PIWIL4: variants seen among roughly 807,000 people sequenced by gnomAD.
PIWIL4 encodes the protein piwi-like protein 4.
A neutral mutation model predicts 100.9 loss-of-function variants in PIWIL4; 50 were observed. The observed-to-expected ratio is 0.50, with a 90% CI of 0.39 to 0.63. The LOEUF (loss-of-function observed/expected upper bound fraction) is 0.63, where lower values mean the gene tolerates loss of function less well. Ranked by LOEUF, PIWIL4 falls within the 20% of genes least tolerant of loss-of-function variation. PIWIL4 has a pLI of 0.00. For missense variants in PIWIL4, 887 were observed against 1,043.3 expected (o/e 0.85, Z 2.06); for synonymous variants, 342 against 367.5 (o/e 0.93, Z 0.79).
intron 15 of PIWIL4, among the ~76,000 whole-genome samples, chr11:94,614,486 T>G (rs1420985304): frequency 6.6e-6 from 1 of 151,926 alleles, no homozygotes; most frequent in Non-Finnish European, 1.5e-5. Flanking sequence ...TTTGTGTATT[T>G]TTAGTAGAGT....
intron 14 of PIWIL4, chr11:94,608,230 A>G (rs1948746244): frequency 5.1e-6 from 1 of 196,426 alleles, no homozygotes; most frequent in Admixed American, 5.4e-5. Context: ...AGAATGAAGA[A>G]TGGAATTCCT....
At chr11:94,615,999 A>C (rs1389016783) in intron 15 of PIWIL4, among the ~76,000 whole-genome samples, 4 of 152,254 alleles carry the variant, frequency 2.6e-5, no homozygotes, top group Admixed American at 2.0e-4. Context: ...TTTATGCTTC[A>C]GAAATCTTTG....
At chr11:94,594,289 A>G (rs7932260) in intron 9 of PIWIL4, among the ~76,000 whole-genome samples, 8,055 of 151,974 alleles carry the variant, frequency 0.053, 259 homozygotes, top group Middle Eastern at 0.099. Context: ...CAACATGGTG[A>G]AACCCCATCT....
rs140160506 is a variant in PIWIL4, at chr11:94,605,784, A to G, written c.1639-1655A>G. ...TATCTGCATAGACTCATAGATTCCT[A>G]TTTTGTTATAGTCCATTACTCTTAT... On this transcript the variant is annotated intron_variant, in intron 13 of 19. Coordinates refer to ENST00000299001, the MANE Select transcript of PIWIL4 (RefSeq NM_152431.3). 2.3e-3 allele frequency among the ~76,000 whole-genome samples: 348 copies of G among 152,114 alleles called. 3 individuals carry two copies. Among genetic ancestry groups the G allele is most frequent in the African/African-American group, 8.0e-3 (330 of 41,500 alleles).
chr11:94,587,592 G>C (rs1948419610), intron 7 of PIWIL4, among the ~76,000 whole-genome samples: 1 of 152,168 alleles, frequency 6.6e-6, no homozygotes, highest in African/African-American at 2.4e-5. Flanking sequence ...TTAAACTTCA[G>C]TTTTCACAAA....
intron 15 of PIWIL4, among the ~76,000 whole-genome samples, chr11:94,613,658 G>A (rs1170653418): frequency 1.3e-5 from 2 of 152,034 alleles, no homozygotes; most frequent in African/African-American, 4.8e-5. Flanking sequence ...TCTCCTTTGT[G>A]TATTTTCAAA....
chr11:94,609,077 C>A (rs1226021135), intron 15 of PIWIL4, among the ~76,000 whole-genome samples: 1 of 152,196 alleles, frequency 6.6e-6, no homozygotes, highest in Non-Finnish European at 1.5e-5. Context: ...CTGCCACTTA[C>A]TTACTCTGTG....
intron 16 of PIWIL4, 104 bp from the exon 17 acceptor site, chr11:94,617,850 G>A: frequency 8.1e-7 from 1 of 1,236,090 alleles, no homozygotes; most frequent in Non-Finnish European, 1.2e-6. Context: ...ATTTTACAGT[G>A]GTCTGAAATA....
intron 15 of PIWIL4, among the ~76,000 whole-genome samples, chr11:94,610,117 C>T (rs1425561082): frequency 2.0e-5 from 3 of 152,052 alleles, no homozygotes; most frequent in South Asian, 4.1e-4. Context: ...TATAAGTGAT[C>T]GTACAGTATG....
At chr11:94,599,273 ATTTGTTTGCAT>A (rs1819854465) in intron 11 of PIWIL4, among the ~76,000 whole-genome samples, 1 of 152,072 alleles carries the variant, frequency 6.6e-6, no homozygotes, top group African/African-American at 2.4e-5. Context: ...ATTTTTATGT[ATTTGTTTGCAT>A]TTTTTTGGTG....
intron 15 of PIWIL4, among the ~76,000 whole-genome samples, chr11:94,615,708 G>A (rs1430968664): frequency 6.6e-6 from 1 of 152,136 alleles, no homozygotes; most frequent in African/African-American, 2.4e-5. Flanking sequence ...CACAGTGATA[G>A]CACAATACAG....
intron 2 of PIWIL4, among the ~76,000 whole-genome samples, chr11:94,573,067 A>C (rs1331794508): frequency 6.6e-6 from 1 of 152,056 alleles, no homozygotes; most frequent in Non-Finnish European, 1.5e-5. Context: ...ATGGGAGTTC[A>C]CTCATGATTT....
intron 15 of PIWIL4, among the ~76,000 whole-genome samples, chr11:94,611,616 G>A (rs1166790265): frequency 6.6e-6 from 1 of 152,154 alleles, no homozygotes; most frequent in Non-Finnish European, 1.5e-5. Context: ...CTGGTGGGAG[G>A]TGTTTTGGTC....
At chr11:94,617,833 T>C in intron 16 of PIWIL4, 121 bp from the exon 17 acceptor site, 1 of 997,692 alleles carries the variant, frequency 1.0e-6, no homozygotes, top group Non-Finnish European at 1.5e-6. Flanking sequence ...AAATTATGTA[T>C]TGCCCTATTT....
In PIWIL4 at chr11:94,621,280, CTTAAAATAAGT is replaced by C. The variant is rs538625979; in HGVS notation, c.*289_*299del. 1.4e-3 allele frequency: 417 copies of C among 303,718 alleles called. 1 individual carries two copies. The highest frequency in any genetic ancestry group is 7.5e-3 in the African/African-American group (349 of 46,542). 18.8% of individuals were successfully genotyped at this position (303,718 alleles called of 1,614,324 possible). ...AGAGTTAAATATCTTAAGTTAAACACTTAAAATAAGTGTTTGCGTGATATTTTGATGACAGA... is the reference window on the plus strand; with the variant it reads ...AGAGTTAAATATCTTAAGTTAAACACGTTTGCGTGATATTTTGATGACAGA... On this transcript the variant is annotated 3_prime_UTR_variant, in exon 20 of 20. Transcript: ENST00000299001.
chr11:94,603,922 C>A, intron 12 of PIWIL4, 62 bp from the exon 13 acceptor site: 1 of 972,522 alleles, frequency 1.0e-6, no homozygotes, highest in Non-Finnish European at 1.6e-6. Flanking sequence ...TTTCTAATGC[C>A]ATATAAGTAT....
At chr11:94,616,112 A>G (rs183348545) in intron 15 of PIWIL4, among the ~76,000 whole-genome samples, 7 of 152,352 alleles carry the variant, frequency 4.6e-5, no homozygotes, top group Admixed American at 2.6e-4. Flanking sequence ...ACTATGCTAA[A>G]TATTTTACAA....
In PIWIL4 at chr11:94,601,902, A is replaced by G; in HGVS notation, c.1488A>G (p.Glu496=). 1.2e-6 allele frequency: 2 copies of G among 1,614,160 alleles called. No individual in the cohort carries two copies. The highest frequency in any genetic ancestry group is 1.3e-5 in the African/African-American group (1 of 75,042). ...TGATTTTATGTAGCGACAGAACTGAATATGTTGCCGAGAGCTTTCTGAACT... is the reference window on the plus strand; with the variant it reads ...TGATTTTATGTAGCGACAGAACTGAGTATGTTGCCGAGAGCTTTCTGAACT... The part of the protein sequence containing the change: ...TWLILCSDRT[E]YVAESFLNCL... The change falls in exon 12 of 20, where the codon GAA becomes GAG. Residue 496 remains glutamate, a synonymous_variant. Transcript: ENST00000299001.
At chr11:94,590,081 C>T (rs1006887884) in intron 8 of PIWIL4, among the ~76,000 whole-genome samples, 2 of 152,158 alleles carry the variant, frequency 1.3e-5, no homozygotes, top group Non-Finnish European at 2.9e-5. Flanking sequence ...CAAACAAAAA[C>T]AAAAACCCTT....
Sources: gnomAD v4.1 joint callset for allele counts (sites outside exome capture counted in the v4.1 genomes callset) on GRCh38, gnomAD v4.1.1 for gene constraint, MANE v1.5 for transcripts, NCBI Gene and HGNC (gene_info 2026-07-23, HGNC 2026-07-21) for gene names.